The following HTR2C variants were observed in gnomAD, a reference collection of about 807,000 sequenced individuals.
HTR2C encodes 5-hydroxytryptamine receptor 2C.
In HTR2C, 5 loss-of-function variants were observed where a neutral mutation model predicts 21.0. That is an observed-to-expected ratio of 0.24 (90% confidence interval 0.12 to 0.50). The LOEUF (loss-of-function observed/expected upper bound fraction) is 0.50. HTR2C is among the 20% of genes least tolerant of loss of function. HTR2C has a pLI of 0.98. For missense variants in HTR2C, 271 were observed against 371.2 expected, an observed-to-expected ratio of 0.73 and a Z score of 2.22; for synonymous variants, 150 against 145.3, an observed-to-expected ratio of 1.03 and a Z score of -0.23.
intron 5 of HTR2C, among the ~76,000 whole-genome samples, chrX:114,866,625 C>T (rs1166066659): frequency 9.2e-6 from 1 of 109,273 alleles, no homozygotes; most frequent in Non-Finnish European, 1.9e-5. Context: ...ACCCGTTAAC[C>T]ATCCCCATCT....
chrX:114,824,851 T>C (rs2070665252), intron 4 of HTR2C, among the ~76,000 whole-genome samples: 1 of 111,754 alleles, frequency 8.9e-6, no homozygotes, highest in South Asian at 3.7e-4. Flanking sequence ...AGGGGCTTAG[T>C]GAATAGTTCA....
chrX:114,641,055 T>TCTTTCTTTTTTTC (rs1556406337), intron 2 of HTR2C, among the ~76,000 whole-genome samples: 4 of 101,448 alleles, frequency 3.9e-5, no homozygotes, highest in African/African-American at 1.6e-4. Context: ...TTTCTTTCTT[T>TCTTTCTTTTTTTC]TTTTCTTTTC....
At chrX:114,780,989 A>G (rs1322959928) in intron 4 of HTR2C, among the ~76,000 whole-genome samples, 4 of 111,712 alleles carry the variant, frequency 3.6e-5, no homozygotes, top group Non-Finnish European at 7.5e-5. Context: ...GAACAACAAC[A>G]TCTGTTGTTC....
intron 4 of HTR2C, among the ~76,000 whole-genome samples, chrX:114,762,376 G>A (rs1227118262): frequency 9.0e-6 from 1 of 110,919 alleles, no homozygotes; most frequent in African/African-American, 3.3e-5. Flanking sequence ...AGTCCAAGTT[G>A]TCCTAAATGT....
At chrX:114,690,535 A>C (rs1274166795) in intron 2 of HTR2C, among the ~76,000 whole-genome samples, 2 of 111,665 alleles carry the variant, frequency 1.8e-5, no homozygotes, top group Non-Finnish European at 3.8e-5. Flanking sequence ...GTACATAGAA[A>C]ATAGAATACA....
intron 3 of HTR2C, among the ~76,000 whole-genome samples, 158 bp from the exon 4 acceptor site, chrX:114,731,136 G>A (rs2069531042): frequency 8.9e-6 from 1 of 111,765 alleles, no homozygotes; most frequent in African/African-American, 3.3e-5. Context: ...GAAATACTGA[G>A]ATTAATTAAG....
intron 2 of HTR2C, among the ~76,000 whole-genome samples, chrX:114,657,326 A>G (rs1475769382): frequency 9.0e-6 from 1 of 111,007 alleles, no homozygotes; most frequent in African/African-American, 3.3e-5. Context: ...ATTTTAGGGT[A>G]TTTATCTTAA....
At chrX:114,791,004 A>G (rs2070226179) in intron 4 of HTR2C, among the ~76,000 whole-genome samples, 1 of 111,836 alleles carries the variant, frequency 8.9e-6, no homozygotes, top group South Asian at 3.6e-4. Flanking sequence ...TCTCCAAAAA[A>G]AAAAAAGAAA....
chrX:114,596,890 G>A (rs1688855250), intron 1 of HTR2C, among the ~76,000 whole-genome samples: 1 of 111,095 alleles, frequency 9.0e-6, no homozygotes, highest in African/African-American at 3.3e-5. Context: ...GAGTAATCGT[G>A]TAGATTTCTA....
At chrX:114,873,475 C>T (rs1164777555) in intron 5 of HTR2C, among the ~76,000 whole-genome samples, 1 of 111,149 alleles carries the variant, frequency 9.0e-6, no homozygotes, top group East Asian at 2.8e-4. Flanking sequence ...ATTATGTTAT[C>T]TTTTTCTCAT....
intron 4 of HTR2C, among the ~76,000 whole-genome samples, chrX:114,828,974 A>C (rs2070699348): frequency 9.0e-6 from 1 of 111,648 alleles, no homozygotes; most frequent in South Asian, 3.7e-4. Flanking sequence ...TTCATCTGTC[A>C]GTTGATAGAT....
At chrX:114,774,883 C>G (rs1226278522) in intron 4 of HTR2C, 2 of 534,910 alleles carry the variant, frequency 3.7e-6, no homozygotes, top group African/African-American at 4.6e-5. Context: ...GGGAGGAGCT[C>G]CACCACCAGG....
intron 4 of HTR2C, among the ~76,000 whole-genome samples, chrX:114,846,428 A>G (rs1413374928): frequency 8.9e-6 from 1 of 111,964 alleles, no homozygotes; most frequent in Non-Finnish European, 1.9e-5. Context: ...ATAAAATACT[A>G]GCAAACTAAA....
intron 5 of HTR2C, among the ~76,000 whole-genome samples, chrX:114,889,681 A>G (rs964408010): frequency 8.9e-6 from 1 of 112,162 alleles, no homozygotes; most frequent in African/African-American, 3.2e-5. Flanking sequence ...AGAAGTTTTT[A>G]GCACTGGTTG....
rs782161570 is a variant in HTR2C at position 114,870,261 on chromosome X, T to C, written c.550+22058T>C. ...CACCACCACATCTGGCTAATTTTTG[T>C]ATCAGAGATGAGGTTTTGCCATGTT... On this transcript the variant is annotated intron_variant, in intron 5 of 5. Coordinates refer to ENST00000276198, the MANE Select transcript of HTR2C (RefSeq NM_000868.4). Among the ~76,000 whole-genome samples the C allele has an allele frequency of 7.3e-5, 8 of 110,319 alleles. No individual in the cohort carries two copies. The Admixed American group carries it at 7.8e-4, about 11-fold the overall frequency.
intron 4 of HTR2C, among the ~76,000 whole-genome samples, chrX:114,740,067 C>T (rs2069629996): frequency 9.1e-6 from 1 of 109,582 alleles, no homozygotes; most frequent in Non-Finnish European, 1.9e-5. Context: ...CATTTTCATG[C>T]CACTACACTC....
In HTR2C at chrX:114,756,635, A is replaced by G. The variant is rs994265214; in HGVS notation, c.349+25028A>G. ...ATAAATATTTCTATGACAAAATTATAGAAATAGAGACCAGATTAATGCTTT... is the reference window on the plus strand; with the variant it reads ...ATAAATATTTCTATGACAAAATTATGGAAATAGAGACCAGATTAATGCTTT... On this transcript the variant is annotated intron_variant, in intron 4 of 5. Coordinates refer to ENST00000276198, the MANE Select transcript of HTR2C (RefSeq NM_000868.4). Among the ~76,000 whole-genome samples, 6 of 112,416 alleles carry G rather than the reference A, an allele frequency of 5.3e-5. No homozygotes were observed. In the South Asian group the frequency reaches 2.2e-3, roughly 42 times the overall value.
chrX:114,748,494 C>T (rs782368070), intron 4 of HTR2C, among the ~76,000 whole-genome samples: 2 of 111,197 alleles, frequency 1.8e-5, no homozygotes, highest in East Asian at 5.7e-4. Context: ...ACTCATAATA[C>T]TGGAATTTAG....
At chrX:114,886,669 T>C (rs1257901686) in intron 5 of HTR2C, among the ~76,000 whole-genome samples, 2 of 111,168 alleles carry the variant, frequency 1.8e-5, no homozygotes, top group Non-Finnish European at 3.8e-5. Flanking sequence ...TTACATATGA[T>C]ACATATCACA....
Sources: allele counts gnomAD v4.1 joint callset (sites outside exome capture counted in the v4.1 genomes callset), GRCh38; gene constraint gnomAD v4.1.1; transcripts MANE v1.5; gene names NCBI Gene and HGNC (gene_info 2026-07-23, HGNC 2026-07-21).